DFFB: variants seen among roughly 807,000 people sequenced by gnomAD.
The protein encoded by DFFB is DNA fragmentation factor 40 kDa subunit.
Under a neutral mutation model 32.7 loss-of-function variants are expected in DFFB, and 29 were observed. The observed-to-expected ratio is 0.89, with a 90% confidence interval of 0.66 to 1.21. The LOEUF is 1.21. DFFB is among the 50% of genes most tolerant of loss of function. The probability of loss-of-function intolerance (pLI) is 0.00; values close to 1 mark genes in which losing one functional copy is unlikely to be tolerated. For synonymous variants in DFFB, 170 were observed against 177.1 expected (o/e 0.96, Z 0.32); for missense variants, 398 against 440.6 (o/e 0.90, Z 0.87).
At chr1:3,879,502 G>A (rs1391839124) in intron 6 of DFFB, among the ~76,000 whole-genome samples, 1 of 152,174 alleles carries the variant, frequency 6.6e-6, no homozygotes, top group African/African-American at 2.4e-5. Context: ...TAATCCACTA[G>A]GACTGGTGTC....
At chr1:3,859,151 G>A (rs749188539) in intron 2 of DFFB, among the ~76,000 whole-genome samples, 3 of 152,208 alleles carry the variant, frequency 2.0e-5, no homozygotes, top group Non-Finnish European at 2.9e-5. Context: ...CTTTGGGGTT[G>A]GGGCCTGCAC....
intron 3 of DFFB, 88 bp downstream of exon 3, chr1:3,866,088 A>AG: frequency 8.8e-7 from 1 of 1,137,920 alleles, no homozygotes; most frequent in Non-Finnish European, 1.2e-6. Flanking sequence ...CCCCCAGTGA[A>AG]GGGCTGGCCT....
chr1:3,869,469 G>T (rs77937786), intron 4 of DFFB, 136 bp from the exon 5 acceptor site: 27,478 of 899,362 alleles, frequency 0.031, 1,048 homozygotes, highest in East Asian at 0.14. Context: ...GAGAGGCCAC[G>T]TGAACTCAGA....
intron 1 of DFFB, among the ~76,000 whole-genome samples, chr1:3,858,170 G>C (rs1252292587): frequency 2.0e-5 from 3 of 152,226 alleles, no homozygotes; most frequent in Non-Finnish European, 4.4e-5. Context: ...ACCAGTACTA[G>C]GGTTACCAGG....
rs200599112 is a variant in DFFB, at chr1:3,872,467, C to T, written c.682-5C>T. 5.0e-6 allele frequency: 8 copies of T among 1,613,206 alleles called. No homozygotes were observed. The highest frequency in any genetic ancestry group is 2.2e-5 in the East Asian group (1 of 44,860). ...GGCCTTCCCTCATTGTCTTTTGGCC[C>T]CCAGGGTCCCTTTGACATGGACAGC... On this transcript the variant is annotated splice_polypyrimidine_tract_variant and splice_region_variant and intron_variant, in intron 5 of 6. Transcript: ENST00000378209.
At chr1:3,877,725 T>G (rs1168384847) in intron 6 of DFFB, among the ~76,000 whole-genome samples, 5 of 152,206 alleles carry the variant, frequency 3.3e-5, no homozygotes, top group Non-Finnish European at 7.3e-5. Flanking sequence ...TGTTTTCGTG[T>G]TTGTGTTCAG....
At chr1:3,882,201 C>T (rs149593829) in intron 6 of DFFB, among the ~76,000 whole-genome samples, 63 of 151,250 alleles carry the variant, frequency 4.2e-4, no homozygotes, top group African/African-American at 1.5e-3. Flanking sequence ...TACAGGCGTG[C>T]GCCACTATGC....
At chr1:3,879,140 A>G (rs1273740631) in intron 6 of DFFB, among the ~76,000 whole-genome samples, 2 of 152,184 alleles carry the variant, frequency 1.3e-5, no homozygotes, top group Non-Finnish European at 1.5e-5. Context: ...TTGGAAAATG[A>G]TAAGTATCTA....
intron 2 of DFFB, among the ~76,000 whole-genome samples, chr1:3,864,083 C>T (rs546241663): frequency 7.2e-5 from 11 of 152,256 alleles, no homozygotes; most frequent in African/African-American, 2.6e-4. Context: ...TCTCTTGCCT[C>T]AGCCTCCCGA....
At chr1:3,871,054 C>T (rs565236271) in intron 5 of DFFB, among the ~76,000 whole-genome samples, 2 of 152,282 alleles carry the variant, frequency 1.3e-5, no homozygotes, top group African/African-American at 4.8e-5. Context: ...ATCAGGAAGC[C>T]GCGGGCAATG....
intron 6 of DFFB, 81 bp downstream of exon 6, chr1:3,872,653 C>G: frequency 2.4e-6 from 3 of 1,263,786 alleles, no homozygotes; most frequent in Non-Finnish European, 3.4e-6. Flanking sequence ...TGCCATGGCC[C>G]TGTCCCTGCC....
At position 3,883,978 on chromosome 1, in the gene DFFB, G is replaced by A; in HGVS notation, c.*237G>A. ...TTTCACTTTTGTTGCCCAGGCTGGA[G>A]TGTAGTGGCGCGATCTCGGCTCAGC... On this transcript the variant is annotated 3_prime_UTR_variant, in exon 7 of 7. Coordinates refer to ENST00000378209, the MANE Select transcript of DFFB (RefSeq NM_004402.4). The A allele has an allele frequency of 2.0e-6, 1 of 507,852 alleles. No homozygotes were observed. The allele number at this position is 507,852 out of a possible 1,614,324, so 31.5% of individuals were successfully genotyped here.
rs763225181 is a variant in DFFB at position 3,869,753 on chromosome 1, C to T, written c.659C>T (p.Pro220Leu). The T allele has an allele frequency of 5.4e-5, 86 of 1,606,680 alleles. No individual in the cohort carries two copies. The highest frequency in any genetic ancestry group is 1.5e-4 in the Admixed American group (9 of 59,484). The change falls in exon 5 of 7, where the codon CCG becomes CTG. Residue 220 changes from proline to leucine, a missense_variant. Coordinates refer to ENST00000378209, the MANE Select transcript of DFFB (RefSeq NM_004402.4). ...AAGGGCGGCAGCCGCCTCTGCACAC[C>T]GGAAGGCTGGTTCTCCTGCCAGGTG... is the stretch of plus-strand genomic sequence containing the variant. Reference protein sequence around the residue: ...GAKGGSRLCTPEGWFSCQGPF... With the variant: ...GAKGGSRLCTLEGWFSCQGPF...
intron 2 of DFFB, among the ~76,000 whole-genome samples, chr1:3,862,342 T>C (rs1188593457): frequency 1.3e-5 from 2 of 152,206 alleles, no homozygotes; most frequent in East Asian, 3.8e-4. Flanking sequence ...GCTGGTTTCA[T>C]TGTAGAAATT....
intron 6 of DFFB, among the ~76,000 whole-genome samples, chr1:3,881,844 TGG>T (rs1327193792): frequency 6.7e-6 from 1 of 149,418 alleles, no homozygotes; most frequent in East Asian, 2.0e-4. Flanking sequence ...CACTCCAGCC[TGG>T]GTGACAGAGC....
intron 6 of DFFB, among the ~76,000 whole-genome samples, chr1:3,873,494 T>C (rs1019076225): frequency 4.4e-4 from 66 of 149,402 alleles, no homozygotes; most frequent in African/African-American, 1.6e-3. Flanking sequence ...TTTTTTTTTT[T>C]CTGAGATGGA....
chr1:3,857,738 G>C, intron 1 of DFFB, 21 bp downstream of exon 1: 6 of 1,458,064 alleles, frequency 4.1e-6, no homozygotes, highest in Non-Finnish European at 4.6e-6. Context: ...GGCTAGGCGG[G>C]GACGGCCCGT....
intron 2 of DFFB, among the ~76,000 whole-genome samples, chr1:3,864,423 C>T (rs770072019): frequency 3.3e-5 from 5 of 152,172 alleles, no homozygotes; most frequent in Admixed American, 6.6e-5. Flanking sequence ...CAGCTTTCGG[C>T]GCTGTTGCTG....
rs1260634848 is a variant in DFFB, at chr1:3,883,788, A to G, written c.*47A>G. On this transcript the variant is annotated 3_prime_UTR_variant, in exon 7 of 7. Transcript: ENST00000378209. The stretch of plus-strand genomic sequence containing the variant: ...TCTTTGTTTGAGGCCTGACGTGGGC[A>G]TCATTTTAACAGGTGCCTTTTTTGT... The G allele has an allele frequency of 6.4e-7, 1 of 1,550,608 alleles. No individual in the cohort carries two copies. Among genetic ancestry groups the G allele is most frequent in the African/African-American group, 1.4e-5 (1 of 72,980 alleles).
Sources: gnomAD v4.1 joint callset for allele counts (sites outside exome capture counted in the v4.1 genomes callset) on GRCh38, gnomAD v4.1.1 for gene constraint, MANE v1.5 for transcripts, NCBI Gene and HGNC (gene_info 2026-07-23, HGNC 2026-07-21) for gene names.